Variants in KMT2D observed in about 807,000 individuals in gnomAD.
The protein encoded by KMT2D is lysine methyltransferase 2D, also known as histone-lysine N-methyltransferase 2D.
KMT2D carries 55 observed loss-of-function variants against 512.7 expected under a neutral mutation model. That is an observed-to-expected ratio of 0.11 (90% confidence interval 0.09 to 0.13). The LOEUF is 0.13. Among genes scored for constraint, KMT2D ranks in the 10% least tolerant of loss-of-function variants. The pLI, the probability that KMT2D is intolerant of heterozygous loss-of-function variation, is 1.00. For synonymous variants in KMT2D, 2,995 were observed against 2,904.0 expected, an observed-to-expected ratio of 1.03 and a Z score of -1.01; for missense variants, 6,061 against 7,127.9, an observed-to-expected ratio of 0.85 and a Z score of 5.39.
intron 1 of KMT2D, among the ~76,000 whole-genome samples, chr12:49,058,683 GCA>G (rs1159980221): frequency 2.6e-5 from 4 of 152,182 alleles, no homozygotes; most frequent in African/African-American, 9.7e-5. Context: ...ACCCCATTCT[GCA>G]CAGTTGGTAC....
At chr12:49,035,361 T>C (rs140269514) in intron 35 of KMT2D, among the ~76,000 whole-genome samples, 1 of 152,220 alleles carries the variant, frequency 6.6e-6, no homozygotes, top group Non-Finnish European at 1.5e-5. Flanking sequence ...GCACCCAAGA[T>C]GCTGGCACTG....
rs941426146 is a variant in KMT2D, at chr12:49,060,789, A to G, written c.-1214T>C. ...GCGGCCCTATTTTGTGTTGGAGCGG[A>G]GCGGCGGAGGGATCCCGCCCTCTCG... On this transcript the variant is annotated 5_prime_UTR_variant, in exon 1 of 55. Coordinates refer to ENST00000301067, the MANE Select transcript of KMT2D (RefSeq NM_003482.4). 1.3e-5 allele frequency among the ~76,000 whole-genome samples: 2 copies of G among 151,986 alleles called. No individual in the cohort carries two copies. The highest frequency in any genetic ancestry group is 2.4e-5 in the African/African-American group (1 of 41,378).
At chr12:49,053,140 T>C (rs1592159645) in intron 8 of KMT2D, 67 bp downstream of exon 8, 2 of 1,611,760 alleles carry the variant, frequency 1.2e-6, no homozygotes, top group Non-Finnish European at 1.7e-6. Flanking sequence ...GTACACAACT[T>C]GTCAAGACAG....
Position 49,043,186 on chromosome 12 carries a change from C to T in KMT2D, c.5534G>A (p.Gly1845Glu), listed in dbSNP as rs2120564755. The change falls in exon 26 of 55, where the codon GGA becomes GAA. Residue 1845 changes from glycine to glutamate, a missense_variant and splice_region_variant. Physicochemically the swap from Gly to Glu is moderately conservative, Grantham distance 98. Around this residue, in one of 16 missense-constraint regions of KMT2D, gnomAD observed 640 missense variants for 814.3 expected, o/e 0.79. Coordinates refer to ENST00000301067, the MANE Select transcript of KMT2D (RefSeq NM_003482.4). ...TGCCTTCACGCCCCCATCCTCAGGT[C>T]CTGTAAATGCCAGGAGAAACCCATG... Reference protein sequence around the residue: ...RGLEGKADTPGPEDGGVKASP... With the variant: ...RGLEGKADTPEPEDGGVKASP... 1 of 1,613,380 alleles carries T rather than the reference C, an allele frequency of 6.2e-7. No homozygotes were observed. The highest frequency in any genetic ancestry group is 8.5e-7 in the Non-Finnish European group (1 of 1,179,360).
rs754094402 is a variant in KMT2D, at chr12:49,040,303, C to T, written c.7467G>A (p.Leu2489=). The part of the protein sequence containing the change: ...FKAGSLAHTS[L]GAGGFPAALP... ...GGGCTGCTGGGAACCCCCCAGCCCC[C>T]AGCGAAGTGTGGGCTAGAGACCCAG... is the stretch of plus-strand genomic sequence containing the variant. Residue 2489 remains leucine, a synonymous_variant, in exon 32 of 55, where the codon CTG becomes CTA. Transcript: ENST00000301067. 6.3e-7 allele frequency: 1 copy of T among 1,592,486 alleles called. No homozygotes were observed. The highest frequency in any genetic ancestry group is 1.1e-5 in the South Asian group (1 of 88,142).
chr12:49,029,165 C>A lies in KMT2D; in HGVS notation c.14147G>T (p.Gly4716Val), dbSNP rs1942759859. The change falls in exon 45 of 55, where the codon GGG becomes GTG. Residue 4716 changes from glycine to valine, a missense_variant. Gly to Val is a moderately radical substitution (Grantham distance 109). This residue lies in a region of KMT2D where 1,600 missense variants were observed against 1,754.9 expected (regional missense o/e 0.91). Transcript: ENST00000301067. Reference sequence around the variant, plus strand: ...ATGAGGGAAACGAGGGGCCTCCTCCCCCAAGATGCTCTCAGGGGATGAAGC... The same window carrying A: ...ATGAGGGAAACGAGGGGCCTCCTCCACCAAGATGCTCTCAGGGGATGAAGC... ...VPASSPESILGEEAPRFPHLG... is the reference protein window; with the variant it reads ...VPASSPESILVEEAPRFPHLG... 2 of 1,613,756 alleles carry A rather than the reference C, an allele frequency of 1.2e-6. No individual in the cohort carries two copies. The highest frequency in any genetic ancestry group is 2.7e-5 in the African/African-American group (2 of 74,920).
rs986358681 is a variant in KMT2D, at chr12:49,046,980, A to C, written c.4237-190T>G. Reference sequence around the variant, plus strand: ...CTTGTCTCAGCCTCCCAAGTAGCTGAGATTACAGGCACCTGCCACCACACC... The same window carrying C: ...CTTGTCTCAGCCTCCCAAGTAGCTGCGATTACAGGCACCTGCCACCACACC... On this transcript the variant is annotated intron_variant, in intron 15 of 54. Transcript: ENST00000301067. The surrounding 1 kb of genome is among the most constrained non-coding windows in gnomAD (Gnocchi z 4.2). Among the ~76,000 whole-genome samples, 4 of 151,956 alleles carry C rather than the reference A, an allele frequency of 2.6e-5. No homozygotes were observed. Among genetic ancestry groups the C allele is most frequent in the African/African-American group, 9.7e-5 (4 of 41,378 alleles).
chr12:49,022,987 C>G lies in KMT2D; in HGVS notation c.16053-112G>C, dbSNP rs1031916118. On this transcript the variant is annotated intron_variant, in intron 51 of 54. Transcript: ENST00000301067. The surrounding 1 kb of genome is among the most constrained non-coding windows in gnomAD (Gnocchi z 8.6). ...GCAACACACCAGTTAGGGGCGTGTG[C>G]TGCTGGCAAGCACTGGAAGTGCAGC... The G allele has an allele frequency of 2.5e-6, 3 of 1,179,680 alleles. No homozygotes were observed. Among genetic ancestry groups the G allele is most frequent in the African/African-American group, 1.5e-5 (1 of 64,594 alleles). The allele number at this position is 1,179,680 out of a possible 1,614,324, so 73.1% of individuals were successfully genotyped here.
In KMT2D at chr12:49,052,516, C is replaced by G. The variant is rs1312267772; in HGVS notation, c.1258+48G>C. ...GGGCAATGCACAAACTGTCTCTTGC[C>G]ATAGAATAAAAGGGGATGAATTTCA... On this transcript the variant is annotated intron_variant, in intron 10 of 54. Coordinates refer to ENST00000301067, the MANE Select transcript of KMT2D (RefSeq NM_003482.4). The G allele has an allele frequency of 1.9e-6, 3 of 1,599,498 alleles. No homozygotes were observed. The Admixed American group carries it at 5.1e-5, about 27-fold the overall frequency.
rs371286331 is a variant in KMT2D, at chr12:49,050,574, G to A, written c.3014C>T (p.Pro1005Leu). 2.5e-6 allele frequency: 4 copies of A among 1,603,988 alleles called. No homozygotes were observed. Among genetic ancestry groups the A allele is most frequent in the African/African-American group, 1.3e-5 (1 of 74,640 alleles). ...AGAAGCCGGCCCCACTGGGGAGCCT[G>A]GAGATGGGGGAAGGATCATAGGGGG... ...PVPPMILPPSPGSPVGPASPI... is the reference protein window; with the variant it reads ...PVPPMILPPSLGSPVGPASPI... Residue 1005 changes from proline (P) to leucine (L), a missense_variant, in exon 12 of 55, where the codon CCA becomes CTA. By Grantham distance (98) the Pro-to-Leu change is moderately conservative. Around this residue, in one of 16 missense-constraint regions of KMT2D, gnomAD observed 447 missense variants for 500.1 expected, o/e 0.89. Transcript: ENST00000301067.
At chr12:49,045,327 T>C (rs1943732897) in intron 19 of KMT2D, among the ~76,000 whole-genome samples, 2 of 152,208 alleles carry the variant, frequency 1.3e-5, no homozygotes, top group Admixed American at 1.3e-4. Flanking sequence ...GAGATGTCCC[T>C]GGCCCCTTTC....
chr12:49,034,326 C>T (rs1943106902), intron 38 of KMT2D, 27 bp from the exon 39 acceptor site: 2 of 1,610,656 alleles, frequency 1.2e-6, no homozygotes, highest in East Asian at 2.2e-5. Context: ...GGTGTCAGGA[C>T]CTGCAAAAGG....
rs1354376171 is a variant in KMT2D at position 49,031,006 on chromosome 12, G to A, written c.13558C>T (p.Pro4520Ser). The part of the protein sequence containing the change: ...EDAAARKPLT[P>S]KPKRVQKASD... ...GCCTTCTGTACCCGCTTGGGCTTCG[G>A]TGTCAAAGGCTTCCTTGCTGCTGCA... Residue 4520 changes from proline to serine, a missense_variant, in exon 41 of 55, where the codon CCG (proline) becomes TCG (serine). Coordinates refer to ENST00000301067, the MANE Select transcript of KMT2D (RefSeq NM_003482.4). 6 of 1,613,806 alleles carry A rather than the reference G, an allele frequency of 3.7e-6. No individual in the cohort carries two copies. Among genetic ancestry groups the A allele is most frequent in the Admixed American group, 1.7e-5 (1 of 60,014 alleles).
rs1938252086 is a variant in KMT2D at position 49,054,103 on chromosome 12, G to C, written c.548C>G (p.Pro183Arg). 1.2e-6 allele frequency: 2 copies of C among 1,613,230 alleles called. No individual in the cohort carries two copies. Among genetic ancestry groups the C allele is most frequent in the South Asian group, 1.1e-5 (1 of 90,956 alleles). ...CCGTGGACATCCAGGTGAGCGGCAA[G>C]GGATGGAGGCACCGAGCCTGGTGCA... ...SHCTRLGASI[P>R]CRSPGCPRLY... is the part of the protein sequence containing the mutation. The change falls in exon 6 of 55, where the codon CCT becomes CGT. Residue 183 changes from proline (P) to arginine (R), a missense_variant. By Grantham distance (103) the Pro-to-Arg change is moderately radical. Around this residue, in one of 16 missense-constraint regions of KMT2D, gnomAD observed 160 missense variants for 225.8 expected, o/e 0.71. Coordinates refer to ENST00000301067, the MANE Select transcript of KMT2D (RefSeq NM_003482.4). The surrounding 1 kb of genome is among the most constrained non-coding windows in gnomAD (Gnocchi z 6.4).
Position 49,051,536 on chromosome 12 carries a change from A to G in KMT2D, c.2147T>C (p.Met716Thr), listed in dbSNP as rs200026379. The stretch of plus-strand genomic sequence containing the variant: ...GGGTGACTCCTCCAGCGGCAGGGAC[A>G]TGAGCGAGTCCTCCGGTGGTGGGGA... ...PASPPPEDSL[M>T]SLPLEESPLL... The change falls in exon 11 of 55, where the codon ATG becomes ACG. Residue 716 changes from methionine to threonine, a missense_variant. Coordinates refer to ENST00000301067, the MANE Select transcript of KMT2D (RefSeq NM_003482.4). The G allele has an allele frequency of 3.7e-6, 6 of 1,613,110 alleles. No individual in the cohort carries two copies. The Admixed American group carries it at 6.7e-5, about 18-fold the overall frequency.
rs779625462 is a variant in KMT2D, at chr12:49,039,526, G to A, written c.8138C>T (p.Ala2713Val). The change falls in exon 33 of 55, where the codon GCA becomes GTA. Residue 2713 changes from alanine to valine, a missense_variant. By Grantham distance (64) the Ala-to-Val change is moderately conservative. Around this residue, in one of 16 missense-constraint regions of KMT2D, gnomAD observed 527 missense variants for 578.9 expected, o/e 0.91. Transcript: ENST00000301067. This position sits in a 1 kb window ranked among gnomAD's most constrained non-coding sequence, Gnocchi z 5.0. ...ACCCCAGCTGCCTGGAGGCCCCACT[G>A]CTCCTGCAGCTGCTGCAGCTGTTTC... ...EKETAAAAAG[A>V]VGPPGSWGAE... 1.7e-5 allele frequency: 28 copies of A among 1,612,208 alleles called. No homozygotes were observed. Among genetic ancestry groups the A allele is most frequent in the Non-Finnish European group, 2.3e-5 (27 of 1,179,460 alleles).
At chr12:49,029,636 T>A (rs1052533456) in intron 43 of KMT2D, among the ~76,000 whole-genome samples, 160 bp from the exon 44 acceptor site, 1 of 151,982 alleles carries the variant, frequency 6.6e-6, no homozygotes, top group African/African-American at 2.4e-5. Flanking sequence ...ATTTATTGAG[T>A]CTGTCCTGCA....
At chr12:49,021,951 C>T (rs1056280316) in intron 54 of KMT2D, 79 bp from the exon 55 acceptor site, 1 of 1,552,960 alleles carries the variant, frequency 6.4e-7, no homozygotes, top group Non-Finnish European at 8.9e-7. Flanking sequence ...ATCTGAGGTG[C>T]CCAGCCTAGG....
chr12:49,029,409 C>T lies in KMT2D; in HGVS notation c.14067G>A (p.Glu4689=), dbSNP rs867240586. The change falls in exon 44 of 55, where the codon GAG becomes GAA. Residue 4689 remains glutamate (E), a synonymous_variant. Coordinates refer to ENST00000301067, the MANE Select transcript of KMT2D (RefSeq NM_003482.4). ...ALPTPPHNQT[E]DVRMESDEDS... ...TCTGGCCCCGCCCCTACCTGACATC[C>T]TCAGTCTGATTGTGAGGGGGTGTAG... The T allele has an allele frequency of 6.4e-7, 1 of 1,557,670 alleles. No homozygotes were observed. The highest frequency in any genetic ancestry group is 8.7e-7 in the Non-Finnish European group (1 of 1,149,928).
Sources: allele counts gnomAD v4.1 joint callset (sites outside exome capture counted in the v4.1 genomes callset), GRCh38; gene constraint gnomAD v4.1.1; regional missense constraint gnomAD v4.1.1; non-coding constraint Gnocchi (gnomAD v3.1); transcripts MANE v1.5; gene names NCBI Gene and HGNC (gene_info 2026-07-23, HGNC 2026-07-21).